EPSTI1: variants seen among roughly 807,000 people sequenced by gnomAD.
EPSTI1 encodes epithelial stromal interaction 1.
In EPSTI1, 66 loss-of-function variants were observed where a neutral mutation model predicts 49.9. That is an observed-to-expected ratio of 1.32 (90% CI 1.08 to 1.62). The LOEUF (loss-of-function observed/expected upper bound fraction) is 1.62. Among genes scored for constraint, EPSTI1 ranks in the 40% most tolerant of loss-of-function variants. The pLI is 0.00. For missense variants in EPSTI1, 394 were observed against 365.5 expected, an observed-to-expected ratio of 1.08 and a Z score of -0.64; for synonymous variants, 137 against 130.7, an observed-to-expected ratio of 1.05 and a Z score of -0.33.
At chr13:42,957,555 A>C (rs1033063454) in intron 5 of EPSTI1, among the ~76,000 whole-genome samples, 4 of 152,120 alleles carry the variant, frequency 2.6e-5, no homozygotes, top group African/African-American at 7.2e-5. Flanking sequence ...CTTAATAGTT[A>C]ATTTTAAATT....
chr13:42,972,362 T>C (rs922510782), intron 1 of EPSTI1, among the ~76,000 whole-genome samples: 1 of 152,192 alleles, frequency 6.6e-6, no homozygotes, highest in Non-Finnish European at 1.5e-5. Flanking sequence ...AGTTCCAAGA[T>C]GATGCTGTTC....
intron 6 of EPSTI1, among the ~76,000 whole-genome samples, chr13:42,940,192 G>T (rs1409202754): frequency 6.6e-6 from 1 of 152,160 alleles, no homozygotes; most frequent in African/African-American, 2.4e-5. Flanking sequence ...GAACATACCA[G>T]CTTCCTTTCA....
Position 42,908,483 on chromosome 13 carries a change from T to TAAAAAAA in EPSTI1, c.742-8101_742-8100insTTTTTTT. ...CCTGGGTGACAGAGAGACTCTGTTA[T>TAAAAAAA]GAAAAAAAAAAAAAAAAAAAGGAAA... is the stretch of plus-strand genomic sequence containing the variant. On this transcript the variant is annotated intron_variant, in intron 8 of 10. Transcript: ENST00000313624. 3.3e-5 allele frequency among the ~76,000 whole-genome samples: 2 copies of TAAAAAAA among 61,106 alleles called. 1 individual carries two copies. Among genetic ancestry groups the TAAAAAAA allele is most frequent in the Non-Finnish European group, 8.1e-5 (2 of 24,784 alleles). 40.1% of individuals were successfully genotyped at this position (61,106 alleles called of 152,430 possible).
At chr13:42,891,802 G>T (rs1265861234) in intron 10 of EPSTI1, among the ~76,000 whole-genome samples, 1 of 152,142 alleles carries the variant, frequency 6.6e-6, no homozygotes, top group Non-Finnish European at 1.5e-5. Context: ...CAATCCAATG[G>T]CCCCACCCTT....
chr13:42,922,128 A>G lies in EPSTI1; in HGVS notation c.657+4208T>C, dbSNP rs904222541. Reference sequence around the variant, plus strand: ...CTCAAATTACTGAATAATTATAAGAATGAGAGGAAGAAATGAGTTAATAAG... The same window carrying G: ...CTCAAATTACTGAATAATTATAAGAGTGAGAGGAAGAAATGAGTTAATAAG... On this transcript the variant is annotated intron_variant, in intron 7 of 10. Coordinates refer to ENST00000313624, the MANE Select transcript of EPSTI1 (RefSeq NM_033255.5). The surrounding 1 kb of genome is among the most constrained non-coding windows in gnomAD (Gnocchi z 4.8). Among the ~76,000 whole-genome samples, 1 of 152,242 alleles carries G rather than the reference A, an allele frequency of 6.6e-6. No homozygotes were observed. Among genetic ancestry groups the G allele is most frequent in the African/African-American group, 2.4e-5 (1 of 41,464 alleles).
chr13:42,926,747 C>A (rs1016829751), intron 6 of EPSTI1, among the ~76,000 whole-genome samples: 1 of 152,176 alleles, frequency 6.6e-6, no homozygotes, highest in Non-Finnish European at 1.5e-5. Context: ...GCATGCAGCC[C>A]TAATTTCCTA....
chr13:42,972,822 A>G (rs987501119), intron 1 of EPSTI1, among the ~76,000 whole-genome samples: 16 of 152,184 alleles, frequency 1.1e-4, no homozygotes, highest in African/African-American at 3.9e-4. Context: ...AGAATATCCA[A>G]CCACTCAACA....
At chr13:42,935,632 C>G (rs1248099646) in intron 6 of EPSTI1, among the ~76,000 whole-genome samples, 1 of 152,114 alleles carries the variant, frequency 6.6e-6, no homozygotes, top group Non-Finnish European at 1.5e-5. Context: ...GCTCTTGTTG[C>G]CCAGGCTGGA....
At chr13:42,921,384 T>G (rs2037988157) in intron 7 of EPSTI1, among the ~76,000 whole-genome samples, 1 of 152,018 alleles carries the variant, frequency 6.6e-6, no homozygotes, top group Non-Finnish European at 1.5e-5. Flanking sequence ...TAGTCATCAA[T>G]AAAAATGCAA....
At chr13:42,917,761 A>G in intron 7 of EPSTI1, 137 bp from the exon 8 acceptor site, 2 of 583,742 alleles carry the variant, frequency 3.4e-6, no homozygotes, top group Non-Finnish European at 6.0e-6. Context: ...TAAGCTCTCC[A>G]TACACACTTG....
chr13:42,968,921 T>A lies in EPSTI1; in HGVS notation c.331+173A>T, dbSNP rs35511653. Among the ~76,000 whole-genome samples, 481 of 117,516 alleles carry A rather than the reference T, an allele frequency of 4.1e-3. 4 individuals carry two copies. Among genetic ancestry groups the A allele is most frequent in the African/African-American group, 0.012 (354 of 28,576 alleles). 77.1% of individuals were successfully genotyped at this position (117,516 alleles called of 152,430 possible). A position where few individuals can be genotyped will look rare whatever the true frequency, so the allele number is the denominator to read the frequency against. On this transcript the variant is annotated intron_variant, in intron 3 of 10. Transcript: ENST00000313624. ...GCAGAAAATCAGAAAAAAAAAAAAA[T>A]ACACACACACACACACACACACACA...
chr13:42,970,699 T>C (rs777817593), intron 1 of EPSTI1, 29 bp from the exon 2 acceptor site: 2 of 1,582,458 alleles, frequency 1.3e-6, no homozygotes, highest in Non-Finnish European at 1.7e-6. Flanking sequence ...AAAATGCTTA[T>C]TACCATGAGA....
intron 10 of EPSTI1, among the ~76,000 whole-genome samples, chr13:42,889,891 A>G (rs2036977671): frequency 6.6e-6 from 1 of 152,152 alleles, no homozygotes; most frequent in Non-Finnish European, 1.5e-5. Context: ...AAAATGTAAA[A>G]GTCTTCCTTC....
chr13:42,985,417 T>C (rs548787075), intron 1 of EPSTI1, among the ~76,000 whole-genome samples: 1 of 152,232 alleles, frequency 6.6e-6, no homozygotes, highest in African/African-American at 2.4e-5. Context: ...TGCAAAGTTG[T>C]AGTTTTTGCA....
At chr13:42,919,437 A>C in intron 7 of EPSTI1, 1 of 1,036,000 alleles carries the variant, frequency 9.7e-7, no homozygotes. Context: ...CTAACATTGA[A>C]ATATTCATTT....
intron 8 of EPSTI1, among the ~76,000 whole-genome samples, chr13:42,907,742 T>C (rs1342078734): frequency 1.3e-5 from 2 of 152,264 alleles, no homozygotes; most frequent in East Asian, 1.9e-4. Context: ...TCAAATTCCA[T>C]TGAAATTTAT....
At chr13:42,957,480 G>A (rs1168276816) in intron 5 of EPSTI1, among the ~76,000 whole-genome samples, 3 of 152,166 alleles carry the variant, frequency 2.0e-5, no homozygotes, top group African/African-American at 7.2e-5. Flanking sequence ...CATCAATAGT[G>A]GAAAAACAAG....
intron 1 of EPSTI1, among the ~76,000 whole-genome samples, chr13:42,974,334 C>T (rs2039831906): frequency 6.9e-6 from 1 of 144,834 alleles, no homozygotes; most frequent in African/African-American, 2.6e-5. Context: ...GAAACTCTGT[C>T]TCAAAAAAAA....
chr13:42,905,516 C>T (rs1170040237), intron 8 of EPSTI1, among the ~76,000 whole-genome samples: 1 of 152,122 alleles, frequency 6.6e-6, no homozygotes, highest in Non-Finnish European at 1.5e-5. Flanking sequence ...CAGAGAAGTT[C>T]AATATCTAGA....
Sources: allele counts gnomAD v4.1 joint callset (sites outside exome capture counted in the v4.1 genomes callset), GRCh38; gene constraint gnomAD v4.1.1; non-coding constraint Gnocchi (gnomAD v3.1); transcripts MANE v1.5; gene names NCBI Gene and HGNC (gene_info 2026-07-23, HGNC 2026-07-21).